The following ANO4 variants were observed in gnomAD, a reference collection of about 807,000 sequenced individuals.
ANO4 encodes the protein anoctamin 4, also known as anoctamin-4.
In ANO4, 69 loss-of-function variants were observed where a neutral mutation model predicts 141.9. The observed-to-expected ratio is 0.49, with a 90% CI of 0.40 to 0.59. ANO4 has a LOEUF of 0.59. Among genes scored for constraint, ANO4 ranks in the 20% least tolerant of loss-of-function variants. The pLI is 0.00. For synonymous variants in ANO4, 350 were observed against 394.3 expected (o/e 0.89, Z 1.33); for missense variants, 894 against 1,162.2 (o/e 0.77, Z 3.36).
intron 17 of ANO4, among the ~76,000 whole-genome samples, chr12:101,093,990 T>G (rs760968361): frequency 1.3e-5 from 2 of 152,088 alleles, no homozygotes; most frequent in Non-Finnish European, 2.9e-5. Context: ...GCCATAAAAT[T>G]ATTCGCCCCA....
rs541270047 is a variant in ANO4, at chr12:100,974,281, C to T, written c.558-564C>T. Among the ~76,000 whole-genome samples the T allele has an allele frequency of 4.6e-5, 7 of 152,102 alleles. No homozygotes were observed. The South Asian group carries it at 1.0e-3, about 23-fold the overall frequency. ...GGGCCAGTGGTTAGCCAGTGTGCCCCGGTGTGGTTATGTACAGCTGGGTGT... is the reference window on the plus strand; with the variant it reads ...GGGCCAGTGGTTAGCCAGTGTGCCCTGGTGTGGTTATGTACAGCTGGGTGT... On this transcript the variant is annotated intron_variant, in intron 6 of 27. Coordinates refer to ENST00000392977, the MANE Select transcript of ANO4 (RefSeq NM_001286615.2).
chr12:100,773,054 A>G (rs1196035053), intron 3 of ANO4, among the ~76,000 whole-genome samples: 1 of 152,230 alleles, frequency 6.6e-6, no homozygotes, highest in Non-Finnish European at 1.5e-5. Flanking sequence ...GCTTATGAAC[A>G]GTAGAAATTT....
intron 7 of ANO4, among the ~76,000 whole-genome samples, chr12:100,979,834 TCTC>T: frequency 6.6e-6 from 1 of 151,216 alleles, no homozygotes; most frequent in East Asian, 1.9e-4. Flanking sequence ...TTCACGCCAT[TCTC>T]CTGCCTCAGC....
intron 1 of ANO4, among the ~76,000 whole-genome samples, chr12:100,829,158 C>T (rs1447932444): frequency 4.6e-5 from 7 of 152,042 alleles, no homozygotes; most frequent in Non-Finnish European, 7.4e-5. Flanking sequence ...AAAGCTGAAT[C>T]GACATATGTT....
chr12:100,777,269 CTTT>C (rs71091463), intron 3 of ANO4, among the ~76,000 whole-genome samples: 2 of 50,614 alleles, frequency 4.0e-5, no homozygotes, highest in Non-Finnish European at 7.0e-5. Context: ...ATTTTTGTAT[CTTT>C]TTTTTTTTTT....
chr12:100,868,114 C>A (rs2038850032), intron 1 of ANO4, among the ~76,000 whole-genome samples: 1 of 152,112 alleles, frequency 6.6e-6, no homozygotes, highest in South Asian at 2.1e-4. Flanking sequence ...AGTCTAGACC[C>A]ACAGCTAACC....
chr12:101,067,302 T>C (rs916288052), intron 14 of ANO4, among the ~76,000 whole-genome samples: 2 of 152,212 alleles, frequency 1.3e-5, no homozygotes, highest in African/African-American at 4.8e-5. Flanking sequence ...CTTATTTACC[T>C]TTAGGTTTGG....
intron 4 of ANO4, 90 bp downstream of exon 4, chr12:100,939,541 C>CCTG: frequency 7.3e-7 from 1 of 1,374,654 alleles, no homozygotes; most frequent in Non-Finnish European, 9.8e-7. Flanking sequence ...AAGTCATAAT[C>CCTG]TCATTGAACT....
At position 101,013,160 on chromosome 12, in the gene ANO4, A is replaced by T. The variant is rs144055744; in HGVS notation, c.735-6874A>T. On this transcript the variant is annotated intron_variant, in intron 8 of 27. Transcript: ENST00000392977. ...TAGGGGAAGAACAGGTTTTTCCTTT[A>T]TAAGGGTCCAGATCAAAAGTTCTGT... is the stretch of plus-strand genomic sequence containing the variant. Among the ~76,000 whole-genome samples, 18 of 152,224 alleles carry T rather than the reference A, an allele frequency of 1.2e-4. 1 individual carries two copies. The highest frequency in any genetic ancestry group is 6.2e-4 in the South Asian group (3 of 4,824).
chr12:101,027,072 A>G (rs1386931108), intron 9 of ANO4, among the ~76,000 whole-genome samples: 1 of 152,136 alleles, frequency 6.6e-6, no homozygotes, highest in Non-Finnish European at 1.5e-5. Context: ...GCTAGACTTG[A>G]TCCACAGAGA....
chr12:100,890,268 A>G (rs1013432416), intron 1 of ANO4, among the ~76,000 whole-genome samples: 1 of 152,218 alleles, frequency 6.6e-6, no homozygotes, highest in African/African-American at 2.4e-5. Flanking sequence ...ACTACAAGAT[A>G]GACCCAGAAT....
intron 3 of ANO4, among the ~76,000 whole-genome samples, chr12:100,751,267 A>G (rs2032361678): frequency 6.6e-6 from 1 of 152,146 alleles, no homozygotes; most frequent in South Asian, 2.1e-4. Flanking sequence ...AGAAAGATCT[A>G]CGCGGGAAAG....
intron 1 of ANO4, among the ~76,000 whole-genome samples, chr12:100,720,192 T>G (rs75929579): frequency 0.14 from 21,829 of 152,032 alleles, 2,366 homozygotes; most frequent in African/African-American, 0.3. Context: ...TGTCCCCACC[T>G]GAACCAGGAA....
chr12:100,726,595 G>A (rs762482792), intron 1 of ANO4, among the ~76,000 whole-genome samples: 2 of 152,114 alleles, frequency 1.3e-5, no homozygotes, highest in Admixed American at 6.5e-5. Flanking sequence ...TAGTAGCTTC[G>A]GGGGAGCCTG....
intron 7 of ANO4, among the ~76,000 whole-genome samples, chr12:100,977,909 A>G (rs1178190957): frequency 6.6e-6 from 1 of 152,106 alleles, no homozygotes. Context: ...ATCGTTTCCA[A>G]ACATATGTTA....
chr12:101,021,084 G>T (rs1262426222), intron 9 of ANO4, among the ~76,000 whole-genome samples: 1 of 152,214 alleles, frequency 6.6e-6, no homozygotes, highest in Non-Finnish European at 1.5e-5. Context: ...CCTCTGAGAA[G>T]ACTCCTCGCT....
intron 8 of ANO4, among the ~76,000 whole-genome samples, chr12:100,995,279 G>C (rs574025253): frequency 3.9e-4 from 60 of 152,218 alleles, no homozygotes; most frequent in Middle Eastern, 3.4e-3. Flanking sequence ...TTCCAAGAGG[G>C]GAACAGAAAA....
chr12:101,027,252 A>G (rs2046780069), intron 9 of ANO4, among the ~76,000 whole-genome samples: 1 of 151,978 alleles, frequency 6.6e-6, no homozygotes, highest in Non-Finnish European at 1.5e-5. Flanking sequence ...CCACTCAGGA[A>G]CCCACGCCAC....
At chr12:100,841,058 G>A (rs1218018523) in intron 1 of ANO4, among the ~76,000 whole-genome samples, 1 of 151,956 alleles carries the variant, frequency 6.6e-6, no homozygotes, top group Non-Finnish European at 1.5e-5. Flanking sequence ...GGTGAGCAAT[G>A]GGAACACCTT....
Sources: allele counts gnomAD v4.1 joint callset (sites outside exome capture counted in the v4.1 genomes callset), GRCh38; gene constraint gnomAD v4.1.1; transcripts MANE v1.5; gene names NCBI Gene and HGNC (gene_info 2026-07-23, HGNC 2026-07-21).